The following MACROD2 variants were observed in gnomAD, a reference collection of about 807,000 sequenced individuals.
MACROD2 encodes the protein mono-ADP ribosylhydrolase 2, also known as ADP-ribose glycohydrolase MACROD2.
In MACROD2, 36 loss-of-function variants were observed where a neutral mutation model predicts 70.4. That is an observed-to-expected ratio of 0.51 (90% CI 0.39 to 0.68). The LOEUF is 0.68. Among genes scored for constraint, MACROD2 ranks in the 30% least tolerant of loss-of-function variants. The probability of loss-of-function intolerance (pLI) is 0.00; values close to 1 mark genes in which losing one functional copy is unlikely to be tolerated. For missense variants in MACROD2, 496 were observed against 538.4 expected (o/e 0.92, Z 0.78); for synonymous variants, 172 against 178.8 (o/e 0.96, Z 0.30).
Position 15,986,723 on chromosome 20 carries a change from A to G in MACROD2, c.986-4A>G. 6.2e-7 allele frequency: 1 copy of G among 1,607,716 alleles called. No homozygotes were observed. The highest frequency in any genetic ancestry group is 1.3e-5 in the African/African-American group (1 of 74,948). ...TTTTATTTTTCAATCACTGTTTTGA[A>G]CAGGACAAGAGAATGATTCAACGAA... is the stretch of plus-strand genomic sequence containing the variant. On this transcript the variant is annotated splice_region_variant and splice_polypyrimidine_tract_variant and intron_variant, in intron 13 of 17. Coordinates refer to ENST00000684519, the MANE Select transcript of MACROD2 (RefSeq NM_001351661.2).
intron 3 of MACROD2, among the ~76,000 whole-genome samples, chr20:14,097,534 A>G (rs2054244682): frequency 6.6e-6 from 1 of 152,220 alleles, no homozygotes; most frequent in South Asian, 2.1e-4. Context: ...GCATATTTAC[A>G]TTGTGATTAA....
chr20:15,502,700 G>A (rs2146496348), intron 8 of MACROD2, among the ~76,000 whole-genome samples: 1 of 152,222 alleles, frequency 6.6e-6, no homozygotes, highest in Middle Eastern at 3.4e-3. Context: ...GTCAAGTTTG[G>A]GGTACACTTT....
intron 4 of MACROD2, among the ~76,000 whole-genome samples, chr20:14,598,633 A>C (rs915809570): frequency 6.6e-6 from 1 of 152,198 alleles, no homozygotes; most frequent in Admixed American, 6.5e-5. Flanking sequence ...TAATTAAGTA[A>C]TTTTCACTAG....
intron 2 of MACROD2, among the ~76,000 whole-genome samples, chr20:14,012,771 A>T (rs1020042805): frequency 3.9e-5 from 6 of 152,220 alleles, no homozygotes. Flanking sequence ...AATTTATTGG[A>T]GAGACAGACT....
intron 5 of MACROD2, among the ~76,000 whole-genome samples, chr20:14,978,347 A>G (rs141457585): frequency 1.2e-3 from 185 of 150,860 alleles, no homozygotes; most frequent in African/African-American, 4.3e-3. Flanking sequence ...TATCCCTAAC[A>G]TAGAAGTAGT....
chr20:14,564,946 C>T lies in MACROD2; in HGVS notation c.301+71438C>T, dbSNP rs113675562. Among the ~76,000 whole-genome samples the T allele has an allele frequency of 9.3e-3, 1,406 of 151,790 alleles. 22 individuals are homozygous for T. Among genetic ancestry groups the T allele is most frequent in the African/African-American group, 0.02 (828 of 41,438 alleles). ...TCATGGAATCAACCTAAATGTTGAT[C>T]GAGGAATGACTGGATAAAAATATGG... On this transcript the variant is annotated intron_variant, in intron 4 of 17. Transcript: ENST00000684519.
chr20:15,157,791 G>A (rs1235246301), intron 5 of MACROD2, among the ~76,000 whole-genome samples: 2 of 152,078 alleles, frequency 1.3e-5, no homozygotes, highest in Non-Finnish European at 1.5e-5. Flanking sequence ...TATTGTACCT[G>A]CAGATGCTGG....
At chr20:14,886,336 A>C (rs2073675404) in intron 5 of MACROD2, among the ~76,000 whole-genome samples, 1 of 152,166 alleles carries the variant, frequency 6.6e-6, no homozygotes, top group Non-Finnish European at 1.5e-5. Flanking sequence ...ACTAAGAGGA[A>C]AGCAGAAGAA....
At position 15,230,221 on chromosome 20, in the gene MACROD2, T is replaced by A. The variant is rs531044952; in HGVS notation, c.540+160T>A. Among the ~76,000 whole-genome samples, 8 of 152,330 alleles carry A rather than the reference T, an allele frequency of 5.3e-5. 1 individual carries two copies. In the South Asian group the frequency reaches 1.7e-3, roughly 32 times the overall value. ...TGGTTATCATGACTCTAATCTTTGA[T>A]GTGCTATAAATATTTGCTAAATTTT... On this transcript the variant is annotated intron_variant, in intron 6 of 17. Transcript: ENST00000684519.
At chr20:15,566,577 A>T (rs1320149098) in intron 8 of MACROD2, among the ~76,000 whole-genome samples, 4 of 151,962 alleles carry the variant, frequency 2.6e-5, no homozygotes, top group Admixed American at 6.6e-5. Context: ...CTCTGTGTTC[A>T]GGACTTTTTC....
chr20:15,326,192 GA>G (rs1379955383), intron 6 of MACROD2, among the ~76,000 whole-genome samples: 1 of 151,992 alleles, frequency 6.6e-6, no homozygotes, highest in Non-Finnish European at 1.5e-5. Context: ...GGTTACTTTG[GA>G]AATGTCTTCA....
chr20:14,423,827 A>T (rs902619314), intron 3 of MACROD2, among the ~76,000 whole-genome samples: 1 of 112,524 alleles, frequency 8.9e-6, no homozygotes, highest in Non-Finnish European at 1.7e-5. Context: ...CAATGGCGGG[A>T]TCTCGGCTCA....
chr20:14,360,020 A>G (rs184469110), intron 3 of MACROD2, among the ~76,000 whole-genome samples: 1 of 150,138 alleles, frequency 6.7e-6, no homozygotes, highest in Non-Finnish European at 1.5e-5. Context: ...CAAATACCAC[A>G]TTATCTTACT....
intron 3 of MACROD2, among the ~76,000 whole-genome samples, chr20:14,425,440 C>G (rs6079435): frequency 0.26 from 40,282 of 152,096 alleles, 5,465 homozygotes; most frequent in Admixed American, 0.31. Flanking sequence ...GAAAAGCGAT[C>G]AAGAACTAGA....
At chr20:15,084,015 T>G (rs2075725382) in intron 5 of MACROD2, among the ~76,000 whole-genome samples, 1 of 150,800 alleles carries the variant, frequency 6.6e-6, no homozygotes, top group Non-Finnish European at 1.5e-5. Context: ...TGGATTCTTA[T>G]GAGCACATTC....
intron 5 of MACROD2, among the ~76,000 whole-genome samples, chr20:14,764,191 C>T (rs35782633): frequency 0.022 from 3,347 of 152,152 alleles, 143 homozygotes; most frequent in African/African-American, 0.076. Flanking sequence ...TTCCCGCCTT[C>T]CCCACATTGG....
chr20:14,880,125 G>A (rs1225722325), intron 5 of MACROD2, among the ~76,000 whole-genome samples: 1 of 152,024 alleles, frequency 6.6e-6, no homozygotes, highest in Non-Finnish European at 1.5e-5. Flanking sequence ...GACTTGAGAC[G>A]CAGAATCAAT....
intron 12 of MACROD2, among the ~76,000 whole-genome samples, chr20:15,964,277 AG>A (rs1373226726): frequency 6.6e-6 from 1 of 152,158 alleles, no homozygotes; most frequent in Non-Finnish European, 1.5e-5. Flanking sequence ...GTGGCTTATA[AG>A]CAAAAGCAAT....
At chr20:14,129,750 A>T (rs1011737488) in intron 3 of MACROD2, among the ~76,000 whole-genome samples, 2 of 152,206 alleles carry the variant, frequency 1.3e-5, no homozygotes, top group African/African-American at 4.8e-5. Context: ...GTAGCCATCA[A>T]CATCAAGCCA....
Sources: gnomAD v4.1 joint callset for allele counts (sites outside exome capture counted in the v4.1 genomes callset) on GRCh38, gnomAD v4.1.1 for gene constraint, MANE v1.5 for transcripts, NCBI Gene and HGNC (gene_info 2026-07-23, HGNC 2026-07-21) for gene names.